ASH1L: variants seen among roughly 807,000 people sequenced by gnomAD.
ASH1L encodes histone-lysine N-methyltransferase ASH1L.
In ASH1L, 23 loss-of-function variants were observed where a neutral mutation model predicts 269.0. That is an observed-to-expected ratio of 0.09 (90% CI 0.06 to 0.12). The LOEUF (loss-of-function observed/expected upper bound fraction) is 0.12. Ranked by LOEUF, ASH1L falls within the 10% of genes least tolerant of loss-of-function variation. ASH1L has a pLI of 1.00. For synonymous variants in ASH1L, 1,187 were observed against 1,253.5 expected, an observed-to-expected ratio of 0.95 and a Z score of 1.12; for missense variants, 2,912 against 3,567.8, an observed-to-expected ratio of 0.82 and a Z score of 4.68.
intron 2 of ASH1L, among the ~76,000 whole-genome samples, chr1:155,489,665 G>A (rs573560923): frequency 1.3e-5 from 2 of 152,026 alleles, no homozygotes; most frequent in South Asian, 2.1e-4. Context: ...GGCTGAGGCA[G>A]GAGAATGGTG....
chr1:155,340,886 C>A lies in ASH1L; in HGVS notation c.8460+1050G>T, dbSNP rs138446194. Among the ~76,000 whole-genome samples, 564 of 151,706 alleles carry A rather than the reference C, an allele frequency of 3.7e-3. 2 individuals carry two copies. The highest frequency in any genetic ancestry group is 5.8e-3 in the Non-Finnish European group (391 of 67,940). On this transcript the variant is annotated intron_variant, in intron 25 of 27. Coordinates refer to ENST00000392403, the MANE Select transcript of ASH1L (RefSeq NM_018489.3). ...CTGGGCTCAAGTGATCCTCCTGTCT[C>A]AGCCTCCCAAGGTGCTGAGATTACA... is the stretch of plus-strand genomic sequence containing the variant.
At chr1:155,416,993 G>A (rs1253180829) in intron 5 of ASH1L, among the ~76,000 whole-genome samples, 1 of 146,844 alleles carries the variant, frequency 6.8e-6, no homozygotes, top group Non-Finnish European at 1.5e-5. Context: ...GTGCAGTGGT[G>A]TGATCTCGGC....
At chr1:155,448,469 G>C (rs1663196034) in intron 4 of ASH1L, among the ~76,000 whole-genome samples, 1 of 152,064 alleles carries the variant, frequency 6.6e-6, no homozygotes, top group South Asian at 2.1e-4. Flanking sequence ...TAAGACTTCA[G>C]GCACAGGGGT....
intron 6 of ASH1L, among the ~76,000 whole-genome samples, chr1:155,412,771 T>C (rs1659906333): frequency 6.6e-6 from 1 of 152,086 alleles, no homozygotes; most frequent in Admixed American, 6.6e-5. Context: ...ACCCAACCTA[T>C]AGGATCTGAC....
At chr1:155,507,011 AG>A (rs1667858505) in intron 2 of ASH1L, among the ~76,000 whole-genome samples, 1 of 151,810 alleles carries the variant, frequency 6.6e-6, no homozygotes, top group Non-Finnish European at 1.5e-5. Context: ...GGCCAGGCGC[AG>A]TGGCTCACGC....
intron 7 of ASH1L, among the ~76,000 whole-genome samples, chr1:155,383,836 C>T (rs930955652): frequency 2.0e-5 from 3 of 151,886 alleles, no homozygotes; most frequent in African/African-American, 4.8e-5. Context: ...GAAAAAGTTC[C>T]GGGGATGGAT....
At position 155,339,310 on chromosome 1, in the gene ASH1L, T is replaced by TC. The variant is rs754309681; in HGVS notation, c.8501+17dup. On this transcript the variant is annotated intron_variant, in intron 26 of 27. Transcript: ENST00000392403. ...TAGTCAATCCCTTAGGATCCTCATA[T>TC]CCCCCCATGGGACTTACCGTCCTCC... 9 of 1,611,496 alleles carry TC rather than the reference T, an allele frequency of 5.6e-6. No individual in the cohort carries two copies. Among genetic ancestry groups the TC allele is most frequent in the Non-Finnish European group, 6.8e-6 (8 of 1,177,782 alleles).
In ASH1L at chr1:155,478,492, G is replaced by C. The variant is rs755282652; in HGVS notation, c.4378C>G (p.Leu1460Val). The C allele has an allele frequency of 8.1e-6, 13 of 1,614,134 alleles. No homozygotes were observed. The highest frequency in any genetic ancestry group is 1.0e-5 in the Non-Finnish European group (12 of 1,180,030). The change falls in exon 3 of 28, where the codon CTC (leucine) becomes GTC (valine). Residue 1460 changes from leucine to valine, a missense_variant. Coordinates refer to ENST00000392403, the MANE Select transcript of ASH1L (RefSeq NM_018489.3). This position sits in a 1 kb window ranked among gnomAD's most constrained non-coding sequence, Gnocchi z 4.6. ...EAFLTTSRTP[L>V]LSMSTYPSVP... ...CTGGGGTAGGTACTCATGGAAAGGA[G>C]GGGAGTCCTGCTGGTTGTAAGAAAG...
Position 155,479,794 on chromosome 1 carries a change from C to G in ASH1L, c.3076G>C (p.Ala1026Pro). The change falls in exon 3 of 28, where the codon GCT (alanine) becomes CCT (proline). Residue 1026 changes from alanine (A) to proline (P), a missense_variant. Physicochemically the swap from Ala to Pro is conservative, Grantham distance 27. Around this residue, in one of 13 missense-constraint regions of ASH1L, gnomAD observed 715 missense variants for 721.0 expected, o/e 0.99. Coordinates refer to ENST00000392403, the MANE Select transcript of ASH1L (RefSeq NM_018489.3). Reference protein sequence around the residue: ...SKLHNTVSSLAATFGSKLGQQ... With the variant: ...SKLHNTVSSLPATFGSKLGQQ... The stretch of plus-strand genomic sequence containing the variant: ...CCCAATTTAGAGCCAAATGTGGCAG[C>G]AAGACTTGATACCGTATTATGGAGT... 1 of 1,614,152 alleles carries G rather than the reference C, an allele frequency of 6.2e-7. No homozygotes were observed. The highest frequency in any genetic ancestry group is 8.5e-7 in the Non-Finnish European group (1 of 1,180,016).
At chr1:155,445,973 T>G (rs1662985280) in intron 4 of ASH1L, among the ~76,000 whole-genome samples, 3 of 151,822 alleles carry the variant, frequency 2.0e-5, no homozygotes. Flanking sequence ...CCAAATGATC[T>G]TCCTGCCTCA....
intron 3 of ASH1L, among the ~76,000 whole-genome samples, chr1:155,476,872 C>T (rs1665593661): frequency 6.6e-6 from 1 of 151,778 alleles, no homozygotes; most frequent in East Asian, 1.9e-4. Context: ...AGTTTTTAAT[C>T]TTTTAGGGGA....
chr1:155,349,030 T>G (rs1252262540), intron 19 of ASH1L, among the ~76,000 whole-genome samples: 1 of 152,134 alleles, frequency 6.6e-6, no homozygotes, highest in South Asian at 2.1e-4. Context: ...ATTAGTTAAA[T>G]GTATTAAAAT....
At chr1:155,345,404 T>TG (rs1653188801) in intron 21 of ASH1L, among the ~76,000 whole-genome samples, 2 of 147,374 alleles carry the variant, frequency 1.4e-5, no homozygotes, top group South Asian at 4.4e-4. Flanking sequence ...AGGCTGGTCT[T>TG]GAACTCCTAA....
At chr1:155,440,205 G>A (rs992830740) in intron 4 of ASH1L, among the ~76,000 whole-genome samples, 1 of 152,090 alleles carries the variant, frequency 6.6e-6, no homozygotes, top group Non-Finnish European at 1.5e-5. Context: ...CTACTCAGGA[G>A]GCTGAGGCGG....
Position 155,479,859 on chromosome 1 carries a change from C to G in ASH1L, c.3011G>C (p.Ser1004Thr). ...CCCTTTATTACTTGATTCTACAGAA[C>G]TTGAAAGAATCTGATTCAACAGTTT... Reference protein sequence around the residue: ...RKKLLNQILSSSVESSNKGKV... With the variant: ...RKKLLNQILSTSVESSNKGKV... Residue 1004 changes from serine to threonine, a missense_variant, in exon 3 of 28, where the codon AGT becomes ACT. Ser to Thr is a moderately conservative substitution (Grantham distance 58, BLOSUM62 1). This residue lies in a region of ASH1L where 715 missense variants were observed against 721.0 expected (regional missense o/e 0.99). Coordinates refer to ENST00000392403, the MANE Select transcript of ASH1L (RefSeq NM_018489.3). 6.2e-7 allele frequency: 1 copy of G among 1,613,502 alleles called. No homozygotes were observed. The highest frequency in any genetic ancestry group is 8.5e-7 in the Non-Finnish European group (1 of 1,179,754).
At chr1:155,556,869 C>T (rs950170888) in intron 1 of ASH1L, among the ~76,000 whole-genome samples, 2 of 152,022 alleles carry the variant, frequency 1.3e-5, no homozygotes, top group Admixed American at 6.6e-5. Context: ...GGTGAGACTC[C>T]ATCGCTACAA....
intron 2 of ASH1L, among the ~76,000 whole-genome samples, chr1:155,519,668 TG>T (rs1668740980): frequency 6.6e-6 from 1 of 152,056 alleles, no homozygotes; most frequent in Non-Finnish European, 1.5e-5. Context: ...TAGAATTTTT[TG>T]GGGGGTGAGA....
chr1:155,476,838 C>A (rs1482256757), intron 3 of ASH1L, among the ~76,000 whole-genome samples: 1 of 152,048 alleles, frequency 6.6e-6, no homozygotes, highest in Non-Finnish European at 1.5e-5. Context: ...CAGGTGTGAG[C>A]CACTGCGCCT....
intron 5 of ASH1L, among the ~76,000 whole-genome samples, chr1:155,425,540 G>A (rs1240870769): frequency 2.0e-5 from 3 of 151,088 alleles, no homozygotes; most frequent in African/African-American, 7.3e-5. Flanking sequence ...CTGGGTTCAA[G>A]CGATTCTCCT....
Sources: gnomAD v4.1 joint callset for allele counts (sites outside exome capture counted in the v4.1 genomes callset) on GRCh38, gnomAD v4.1.1 for gene constraint, gnomAD v4.1.1 regional missense constraint, Gnocchi (gnomAD v3.1) non-coding constraint, MANE v1.5 for transcripts, NCBI Gene and HGNC (gene_info 2026-07-23, HGNC 2026-07-21) for gene names.